ACTR2: variants seen among roughly 807,000 people sequenced by gnomAD.
ACTR2 encodes the protein actin related protein 2.
A neutral mutation model predicts 50.2 loss-of-function variants in ACTR2; 5 were observed. That is an observed-to-expected ratio of 0.10 (90% CI 0.05 to 0.21). ACTR2 has a LOEUF of 0.21. ACTR2 is among the 10% of genes least tolerant of loss of function. ACTR2 has a pLI of 1.00. For missense variants in ACTR2, 180 were observed against 480.6 expected (o/e 0.37, Z 5.85); for synonymous variants, 140 against 162.9 (o/e 0.86, Z 1.07).
At chr2:65,228,517 G>T (rs1478145796) in intron 1 of ACTR2, 2 of 150,964 alleles carry the variant, frequency 1.3e-5, no homozygotes, top group Non-Finnish European at 2.9e-5. Flanking sequence ...TAGTTTTTTC[G>T]AGGGAAGGGG....
At position 65,253,765 on chromosome 2, in the gene ACTR2, T is replaced by C. The variant is rs201046285; in HGVS notation, c.486T>C (p.Gly162=). The change falls in exon 5 of 9, where the codon GGT becomes GGC. Residue 162 remains glycine, a synonymous_variant. Coordinates refer to ENST00000260641, the MANE Select transcript of ACTR2 (RefSeq NM_005722.4). ...GTGTAGTGGTAGACTCTGGAGATGG[T>C]GTGACTCACATTTGCCCAGTATATG... ...LTGVVVDSGD[G]VTHICPVYEG... 2 of 1,613,892 alleles carry C rather than the reference T, an allele frequency of 1.2e-6. No homozygotes were observed. The highest frequency in any genetic ancestry group is 1.3e-5 in the African/African-American group (1 of 74,910).
intron 1 of ACTR2, 134 bp downstream of exon 1, chr2:65,228,091 C>G: frequency 3.8e-6 from 3 of 786,808 alleles, no homozygotes; most frequent in South Asian, 3.0e-5. Context: ...TGCCTCCCAC[C>G]TCCGCGGGCG....
At chr2:65,266,897 T>C (rs1266980208) in intron 8 of ACTR2, among the ~76,000 whole-genome samples, 1 of 152,158 alleles carries the variant, frequency 6.6e-6, no homozygotes, top group Non-Finnish European at 1.5e-5. Context: ...AATTTGTCTG[T>C]AGGAATCTGT....
chr2:65,239,947 A>G lies in ACTR2; in HGVS notation c.144A>G (p.Gly48=). The G allele has an allele frequency of 6.3e-7, 1 of 1,599,188 alleles. No homozygotes were observed. Among genetic ancestry groups the G allele is most frequent in the Non-Finnish European group, 8.6e-7 (1 of 1,166,568 alleles). The change falls in exon 2 of 9, where the codon GGA becomes GGG. Residue 48 remains glycine, a synonymous_variant. Coordinates refer to ENST00000260641, the MANE Select transcript of ACTR2 (RefSeq NM_005722.4). ...RPIIRSTTKV[G]NIEIKDLMVG... is the part of the protein sequence containing the mutation. The stretch of plus-strand genomic sequence containing the variant: ...TTATCAGATCAACCACCAAAGTGGG[A>G]AACATTGAAATCAAGGTAATATTTT...
Position 65,270,037 on chromosome 2 carries a change from A to C in ACTR2, c.*1303A>C, listed in dbSNP as rs1169550097. On this transcript the variant is annotated 3_prime_UTR_variant, in exon 9 of 9. Coordinates refer to ENST00000260641, the MANE Select transcript of ACTR2 (RefSeq NM_005722.4). ...TAGCAGACTTTCCTGCCAGTGTCAG[A>C]AAATCCTATTTATGAATCCTGTCGG... 6.6e-6 allele frequency: 1 copy of C among 152,230 alleles called. No homozygotes were observed. The highest frequency in any genetic ancestry group is 1.5e-5 in the Non-Finnish European group (1 of 68,036). The allele number at this position is 152,230 out of a possible 1,614,324, so 9.4% of individuals were successfully genotyped here.
At chr2:65,267,862 C>CTTTTTTT (rs70943640) in intron 8 of ACTR2, among the ~76,000 whole-genome samples, 2,375 of 47,410 alleles carry the variant, frequency 0.05, 534 homozygotes, top group Non-Finnish European at 0.058. Flanking sequence ...TGCAAGTCCT[C>CTTTTTTT]TTTTTTTTTT....
chr2:65,242,101 CT>C, intron 2 of ACTR2: 1 of 1,500,984 alleles, frequency 6.7e-7, no homozygotes, highest in Non-Finnish European at 9.2e-7. Flanking sequence ...TTGTTTTCCA[CT>C]TTTGCTTGAT....
chr2:65,229,767 A>AG (rs1048110978), intron 1 of ACTR2, among the ~76,000 whole-genome samples: 10 of 115,376 alleles, frequency 8.7e-5, no homozygotes, highest in African/African-American at 2.6e-4. Context: ...AAAAAAAAAA[A>AG]AAAAGAAAAA....
chr2:65,266,797 A>C (rs1225156475), intron 8 of ACTR2, among the ~76,000 whole-genome samples: 4 of 152,358 alleles, frequency 2.6e-5, no homozygotes. Context: ...ATTGCCATGC[A>C]GCAGGAAGGG....
rs564462725 is a variant in ACTR2 at position 65,229,768 on chromosome 2, A to G, written c.48+1811A>G. ...TCCGTCTCAAAAAAAAAAAAAAAAA[A>G]AAAGAAAAACAAAACATATTAATGT... On this transcript the variant is annotated intron_variant, in intron 1 of 8. Transcript: ENST00000260641. Among the ~76,000 whole-genome samples the G allele has an allele frequency of 6.4e-3, 978 of 151,716 alleles. 20 individuals are homozygous for G. Among genetic ancestry groups the G allele is most frequent in the African/African-American group, 0.022 (890 of 41,364 alleles).
At chr2:65,264,783 T>C (rs970385911) in intron 7 of ACTR2, among the ~76,000 whole-genome samples, 1 of 152,194 alleles carries the variant, frequency 6.6e-6, no homozygotes, top group African/African-American at 2.4e-5. Context: ...TTATTAGAAG[T>C]CTCAGTTATA....
intron 1 of ACTR2, among the ~76,000 whole-genome samples, chr2:65,233,490 C>CA (rs1398642022): frequency 2.0e-5 from 3 of 151,440 alleles, no homozygotes; most frequent in Admixed American, 6.6e-5. Context: ...CCTGTCTCCA[C>CA]AAAAAATAAT....
In ACTR2 at chr2:65,270,109, T is replaced by C. The variant is rs1672463313; in HGVS notation, c.*1375T>C. 1 of 152,130 alleles carries C rather than the reference T, an allele frequency of 6.6e-6. No homozygotes were observed. Among genetic ancestry groups the C allele is most frequent in the Non-Finnish European group, 1.5e-5 (1 of 68,016 alleles). 9.4% of individuals were successfully genotyped at this position (152,130 alleles called of 1,614,324 possible). On this transcript the variant is annotated 3_prime_UTR_variant, in exon 9 of 9. Coordinates refer to ENST00000260641, the MANE Select transcript of ACTR2 (RefSeq NM_005722.4). Reference sequence around the variant, plus strand: ...AATACCAAATAGTACCATACATGAGTTATTTCTAAGTTTGAAAAATAAAAA... The same window carrying C: ...AATACCAAATAGTACCATACATGAGCTATTTCTAAGTTTGAAAAATAAAAA...
chr2:65,237,841 G>T (rs182641189), intron 1 of ACTR2, among the ~76,000 whole-genome samples: 2 of 152,014 alleles, frequency 1.3e-5, no homozygotes, highest in South Asian at 2.1e-4. Flanking sequence ...TTACCTGGGC[G>T]TGGTGAGGTA....
At chr2:65,243,845 G>T (rs973668149) in intron 2 of ACTR2, among the ~76,000 whole-genome samples, 2 of 152,024 alleles carry the variant, frequency 1.3e-5, no homozygotes, top group African/African-American at 4.8e-5. Flanking sequence ...CATTGTTTCA[G>T]ATAGGTGATG....
chr2:65,255,337 T>C (rs545915066), intron 5 of ACTR2, among the ~76,000 whole-genome samples: 46 of 152,364 alleles, frequency 3.0e-4, no homozygotes, highest in African/African-American at 1.1e-3. Context: ...GACTTACTTA[T>C]GAATTGTTAA....
intron 6 of ACTR2, among the ~76,000 whole-genome samples, chr2:65,259,825 C>A (rs745483024): frequency 7.9e-5 from 12 of 152,138 alleles, no homozygotes; most frequent in Non-Finnish European, 1.5e-4. Flanking sequence ...CATACATGGG[C>A]GTGCTTATTA....
intron 3 of ACTR2, among the ~76,000 whole-genome samples, chr2:65,247,612 G>C (rs1241920006): frequency 6.6e-6 from 1 of 151,896 alleles, no homozygotes; most frequent in Non-Finnish European, 1.5e-5. Flanking sequence ...AATCATAAGA[G>C]AAAATACATT....
At position 65,253,882 on chromosome 2, in the gene ACTR2, A is replaced by G. The variant is rs746675963; in HGVS notation, c.585+18A>G. The G allele has an allele frequency of 1.3e-6, 2 of 1,595,686 alleles. No individual in the cohort carries two copies. Among genetic ancestry groups the G allele is most frequent in the South Asian group, 1.1e-5 (1 of 89,924 alleles). ...TTATCAAGGTAAGTGAAAGGAAAAT[A>G]TCATGGAAATTAAATTTTGTAATTT... is the stretch of plus-strand genomic sequence containing the variant. On this transcript the variant is annotated intron_variant, in intron 5 of 8. Coordinates refer to ENST00000260641, the MANE Select transcript of ACTR2 (RefSeq NM_005722.4).
Sources: gnomAD v4.1 joint callset for allele counts (sites outside exome capture counted in the v4.1 genomes callset) on GRCh38, gnomAD v4.1.1 for gene constraint, MANE v1.5 for transcripts, NCBI Gene and HGNC (gene_info 2026-07-23, HGNC 2026-07-21) for gene names.